Variants in KIF6 observed in about 807,000 individuals in gnomAD.
KIF6 encodes kinesin-like protein KIF6.
A neutral mutation model predicts 112.7 loss-of-function variants in KIF6; 106 were observed. The observed-to-expected ratio is 0.94, with a 90% CI of 0.80 to 1.11. KIF6 has a LOEUF of 1.11. KIF6 is among the 50% of genes least tolerant of loss of function. The pLI is 0.00. For missense variants in KIF6, 929 were observed against 964.0 expected (o/e 0.96, Z 0.48); for synonymous variants, 339 against 339.9 (o/e 1.00, Z 0.03).
intron 7 of KIF6, among the ~76,000 whole-genome samples, chr6:39,587,451 T>C (rs1781698758): frequency 6.6e-6 from 1 of 152,224 alleles, no homozygotes; most frequent in South Asian, 2.1e-4. Flanking sequence ...TATGTAACTA[T>C]ACCACTAGTC....
chr6:39,510,056 AAG>A (rs1240961308), intron 13 of KIF6, among the ~76,000 whole-genome samples: 1 of 151,976 alleles, frequency 6.6e-6, no homozygotes, highest in Admixed American at 6.6e-5. Flanking sequence ...TACAAGCCAG[AAG>A]AGAGTGGGGG....
At chr6:39,423,364 C>T (rs1235076882) in intron 14 of KIF6, among the ~76,000 whole-genome samples, 1 of 152,128 alleles carries the variant, frequency 6.6e-6, no homozygotes, top group East Asian at 1.9e-4. Context: ...TCTTTTTCCC[C>T]CTCTCTCTGG....
chr6:39,336,365 A>G lies in KIF6; in HGVS notation c.*167T>C. The G allele has an allele frequency of 6.3e-6, 4 of 633,950 alleles. No homozygotes were observed. Among genetic ancestry groups the G allele is most frequent in the Non-Finnish European group, 8.3e-6 (3 of 360,528 alleles). 39.3% of individuals were successfully genotyped at this position (633,950 alleles called of 1,614,324 possible). A position where few individuals can be genotyped will look rare whatever the true frequency, so the allele number is the denominator to read the frequency against. On this transcript the variant is annotated 3_prime_UTR_variant, in exon 23 of 23. Coordinates refer to ENST00000287152, the MANE Select transcript of KIF6 (RefSeq NM_145027.6). ...CAGCCCCAGCCTCTCGGTGGCCTCC[A>G]GGTCAGCATCCTTAAAGAAACACAG...
chr6:39,555,972 AAAG>A (rs1298259835), intron 10 of KIF6, among the ~76,000 whole-genome samples: 1 of 151,744 alleles, frequency 6.6e-6, no homozygotes, highest in Non-Finnish European at 1.5e-5. Flanking sequence ...AAAAAAAAAA[AAAG>A]AAGATTTATA....
In KIF6 at chr6:39,360,436, CT is replaced by C. The variant is rs759722997; in HGVS notation, c.2040del (p.Glu681SerfsTer15). The C allele has an allele frequency of 3.1e-6, 5 of 1,614,256 alleles. No homozygotes were observed. The East Asian group carries it at 1.1e-4, about 36-fold the overall frequency. The part of the protein sequence containing the change: ...LMDKAKVKLQ[K>X]EFEVWWAEEA... ...TCCTCTGCCCACCAGACTTCAAACT[CT>C]TTCTGTAGCTTCACCTTGGCTTTGT... On this transcript the variant is annotated frameshift_variant, in exon 18 of 23. Coordinates refer to ENST00000287152, the MANE Select transcript of KIF6 (RefSeq NM_145027.6). LOFTEE classifies it high-confidence loss of function.
At chr6:39,696,456 G>A (rs1788544384) in intron 3 of KIF6, among the ~76,000 whole-genome samples, 1 of 152,102 alleles carries the variant, frequency 6.6e-6, no homozygotes, top group African/African-American at 2.4e-5. Context: ...AACGGCAAGG[G>A]AGAAGGAGCT....
intron 3 of KIF6, among the ~76,000 whole-genome samples, chr6:39,661,145 C>G (rs1381201299): frequency 6.6e-6 from 1 of 152,154 alleles, no homozygotes; most frequent in African/African-American, 2.4e-5. Flanking sequence ...AAAGACACAT[C>G]AAATTCTGCT....
Position 39,584,955 on chromosome 6 carries a change from C to T in KIF6, c.1020G>A (p.Gln340=), listed in dbSNP as rs779559308. ...CTTCATTCTTTATGAGTGCCACTCG[C>T]TGTGCAAATCTGCAGGTTGATATAG... ...DESISTCRFA[Q]RVALIKNEAV... The change falls in exon 9 of 23, where the codon CAG becomes CAA. Residue 340 remains glutamine (Q), a synonymous_variant. Transcript: ENST00000287152. The T allele has an allele frequency of 1.2e-6, 2 of 1,611,606 alleles. No homozygotes were observed. The highest frequency in any genetic ancestry group is 1.7e-5 in the Admixed American group (1 of 60,018).
intron 3 of KIF6, among the ~76,000 whole-genome samples, chr6:39,676,902 T>G (rs1787174483): frequency 6.6e-6 from 1 of 152,068 alleles, no homozygotes; most frequent in Non-Finnish European, 1.5e-5. Flanking sequence ...ATTGCAAATG[T>G]TGGCAAACCA....
At chr6:39,634,154 T>C (rs1188828560) in intron 5 of KIF6, among the ~76,000 whole-genome samples, 1 of 152,174 alleles carries the variant, frequency 6.6e-6, no homozygotes, top group Non-Finnish European at 1.5e-5. Flanking sequence ...AATATAAAGA[T>C]ACATTTTCTT....
At chr6:39,511,508 T>G (rs1195537284) in intron 13 of KIF6, among the ~76,000 whole-genome samples, 14 of 152,200 alleles carry the variant, frequency 9.2e-5, no homozygotes, top group Admixed American at 9.2e-4. Context: ...TTCAAATTAG[T>G]TCAACCATTG....
intron 8 of KIF6, 140 bp downstream of exon 8, chr6:39,586,121 G>C: frequency 1.4e-6 from 1 of 738,732 alleles, no homozygotes; most frequent in Non-Finnish European, 2.3e-6. Flanking sequence ...ATAGCCCACA[G>C]CTGTGAACTC....
chr6:39,433,415 G>A (rs1424407964), intron 13 of KIF6, among the ~76,000 whole-genome samples: 2 of 152,054 alleles, frequency 1.3e-5, no homozygotes, highest in Non-Finnish European at 2.9e-5. Context: ...TACATGCATC[G>A]CCAACTTTCA....
chr6:39,664,781 C>T (rs1786367541), intron 3 of KIF6, among the ~76,000 whole-genome samples: 1 of 151,846 alleles, frequency 6.6e-6, no homozygotes, highest in Non-Finnish European at 1.5e-5. Context: ...AATCATAATC[C>T]CCAAAGATAC....
chr6:39,467,681 G>T (rs1185267788), intron 13 of KIF6, among the ~76,000 whole-genome samples: 1 of 152,136 alleles, frequency 6.6e-6, no homozygotes, highest in Non-Finnish European at 1.5e-5. Flanking sequence ...CCCCAGAAAA[G>T]GTGGGTGGGG....
chr6:39,606,486 TC>T (rs1275996852), intron 6 of KIF6, among the ~76,000 whole-genome samples: 2 of 152,206 alleles, frequency 1.3e-5, no homozygotes, highest in Non-Finnish European at 2.9e-5. Context: ...AACATGACTA[TC>T]CCTTTCCTAA....
intron 13 of KIF6, among the ~76,000 whole-genome samples, chr6:39,458,704 CACAAGCATTCTT>C (rs1223113210): frequency 1.1e-5 from 1 of 93,116 alleles, no homozygotes; most frequent in Non-Finnish European, 2.1e-5. Context: ...GTACAAAAAT[CACAAGCATTCTT>C]ATACACCAAC....
At chr6:39,583,286 G>GA (rs1781399860) in intron 9 of KIF6, 1 of 404,534 alleles carries the variant, frequency 2.5e-6, no homozygotes, top group Admixed American at 2.6e-5. Flanking sequence ...AGGGCTTCTG[G>GA]AAGGGTAGGG....
At chr6:39,687,763 T>C (rs1181013576) in intron 3 of KIF6, among the ~76,000 whole-genome samples, 1 of 152,252 alleles carries the variant, frequency 6.6e-6, no homozygotes, top group Non-Finnish European at 1.5e-5. Context: ...CCTGGCTTTA[T>C]CACATATTAG....
Sources: gnomAD v4.1 joint callset for allele counts (sites outside exome capture counted in the v4.1 genomes callset) on GRCh38, gnomAD v4.1.1 for gene constraint, MANE v1.5 for transcripts, NCBI Gene and HGNC (gene_info 2026-07-23, HGNC 2026-07-21) for gene names.